SFXN5: variants seen among roughly 807,000 people sequenced by gnomAD.
SFXN5 encodes sideroflexin-5.
Under a neutral mutation model 50.2 loss-of-function variants are expected in SFXN5, and 43 were observed. The ratio of observed to expected loss-of-function variants is 0.86; its 90% confidence interval spans 0.67 to 1.11. SFXN5 has a LOEUF of 1.11. Ranked by LOEUF, SFXN5 falls within the 50% of genes least tolerant of loss-of-function variation. The pLI is 0.00. For missense variants in SFXN5, 463 were observed against 454.1 expected, an observed-to-expected ratio of 1.02 and a Z score of -0.18; for synonymous variants, 203 against 185.8, an observed-to-expected ratio of 1.09 and a Z score of -0.75.
rs186534473 is a variant in SFXN5, at chr2:72,960,274, G to A, written c.945+857C>T. 1.1e-4 allele frequency among the ~76,000 whole-genome samples: 17 copies of A among 151,982 alleles called. 1 individual carries two copies. The East Asian group carries it at 2.9e-3, about 26-fold the overall frequency. On this transcript the variant is annotated intron_variant, in intron 13 of 13. Transcript: ENST00000272433. This position sits in a 1 kb window ranked among gnomAD's most constrained non-coding sequence, Gnocchi z 6.1. Reference sequence around the variant, plus strand: ...ACTGCCCTCCCTCGAACCTGCCCCCGCCTGGCTCCATCTCATTAAGCACCT... The same window carrying A: ...ACTGCCCTCCCTCGAACCTGCCCCCACCTGGCTCCATCTCATTAAGCACCT...
At position 72,989,167 on chromosome 2, in the gene SFXN5, C is replaced by G. The variant is rs536239463; in HGVS notation, c.535-819G>C. Among the ~76,000 whole-genome samples the G allele has an allele frequency of 3.3e-5, 5 of 152,328 alleles. No individual in the cohort carries two copies. The South Asian group carries it at 1.0e-3, about 32-fold the overall frequency. On this transcript the variant is annotated intron_variant, in intron 9 of 13. Transcript: ENST00000272433. ...CTCCCCCAAAAACCCAAGTTCAACC[C>G]CGAGAGTCCAGTTTGCTGCCCATCA... is the stretch of plus-strand genomic sequence containing the variant.
At chr2:73,043,580 G>T (rs1679925851) in intron 2 of SFXN5, among the ~76,000 whole-genome samples, 1 of 152,176 alleles carries the variant, frequency 6.6e-6, no homozygotes, top group African/African-American at 2.4e-5. Context: ...ATGGCCTGAA[G>T]GCTGAAAAGT....
At chr2:73,026,367 G>C (rs1677554922) in intron 3 of SFXN5, among the ~76,000 whole-genome samples, 1 of 151,574 alleles carries the variant, frequency 6.6e-6, no homozygotes, top group South Asian at 2.1e-4. Flanking sequence ...CTGGCCTCAA[G>C]TGATCCACTT....
chr2:73,069,878 C>T (rs6720817), intron 1 of SFXN5, among the ~76,000 whole-genome samples: 42,703 of 152,010 alleles, frequency 0.28, 7,629 homozygotes, highest in East Asian at 0.55. Context: ...ATATGCCTAA[C>T]CTGTCTCCAT....
intron 9 of SFXN5, among the ~76,000 whole-genome samples, chr2:72,991,354 A>G (rs1672580471): frequency 6.6e-6 from 1 of 152,264 alleles, no homozygotes; most frequent in Admixed American, 6.5e-5. Flanking sequence ...AGTGCGGCAC[A>G]CATATGTTTC....
rs940902390 is a variant in SFXN5 at position 73,059,219 on chromosome 2, C to T, written c.103-623G>A. ...GAGGGCTTTATGCTAAGCGCAGCCA[C>T]AGGCATTGGAGCACAATGAAAGGAA... On this transcript the variant is annotated intron_variant, in intron 1 of 13. Coordinates refer to ENST00000272433, the MANE Select transcript of SFXN5 (RefSeq NM_144579.3). 3.6e-5 allele frequency: 35 copies of T among 985,650 alleles called. No individual in the cohort carries two copies. The African/African-American group carries it at 3.7e-4, about 10-fold the overall frequency. 61.1% of individuals were successfully genotyped at this position (985,650 alleles called of 1,614,324 possible). A position where few individuals can be genotyped will look rare whatever the true frequency, so the allele number is the denominator to read the frequency against.
At chr2:72,958,541 G>A (rs995326279) in intron 13 of SFXN5, among the ~76,000 whole-genome samples, 3 of 152,170 alleles carry the variant, frequency 2.0e-5, no homozygotes, top group Admixed American at 1.3e-4. Context: ...GCAGGCAGGT[G>A]GAGTTATGAC....
intron 1 of SFXN5, among the ~76,000 whole-genome samples, chr2:73,066,769 G>C (rs766016091): frequency 4.6e-5 from 7 of 152,130 alleles, no homozygotes; most frequent in Non-Finnish European, 1.0e-4. Flanking sequence ...GGGAGGGCCA[G>C]GCAGAACAAT....
chr2:73,051,915 C>T (rs1194665284), intron 2 of SFXN5, among the ~76,000 whole-genome samples: 3 of 152,168 alleles, frequency 2.0e-5, no homozygotes, highest in Non-Finnish European at 4.4e-5. Context: ...TAATCCCAGT[C>T]ACAGCCTAAC....
chr2:73,009,621 A>G (rs182713436), intron 6 of SFXN5, among the ~76,000 whole-genome samples: 26 of 152,314 alleles, frequency 1.7e-4, no homozygotes, highest in Non-Finnish European at 3.4e-4. Flanking sequence ...TCCATCAAGT[A>G]TTCACACAGG....
intron 13 of SFXN5, among the ~76,000 whole-genome samples, chr2:72,949,978 C>T (rs905964166): frequency 5.3e-5 from 8 of 151,936 alleles, no homozygotes; most frequent in African/African-American, 1.7e-4. Flanking sequence ...GTCTGGGGTG[C>T]CAGTGGGTTC....
chr2:73,008,129 C>T lies in SFXN5; in HGVS notation c.358-6551G>A, dbSNP rs138988944. 1.7e-3 allele frequency among the ~76,000 whole-genome samples: 253 copies of T among 152,338 alleles called. 3 individuals are homozygous for T. The highest frequency in any genetic ancestry group is 5.9e-3 in the African/African-American group (247 of 41,572). ...ATGAAGTGGCCGACACCAGCATCTT[C>T]TGATACTTAGAGTCTCTAAGCCCAT... On this transcript the variant is annotated intron_variant, in intron 6 of 13. Coordinates refer to ENST00000272433, the MANE Select transcript of SFXN5 (RefSeq NM_144579.3).
At position 73,071,586 on chromosome 2, in the gene SFXN5, C is replaced by A. The variant is rs1683629832; in HGVS notation, c.102+18G>T. ...TCTTTGCCACCCGCCGGCCCGCAGA[C>A]CACAGCCCGGTCCTCACCTGCTGGA... On this transcript the variant is annotated intron_variant, in intron 1 of 13. Transcript: ENST00000272433. The A allele has an allele frequency of 6.2e-7, 1 of 1,611,392 alleles. No individual in the cohort carries two copies. Among genetic ancestry groups the A allele is most frequent in the Non-Finnish European group, 8.5e-7 (1 of 1,178,668 alleles).
chr2:72,998,873 A>G lies in SFXN5; in HGVS notation c.534+76T>C, dbSNP rs1233701486. On this transcript the variant is annotated intron_variant, in intron 9 of 13. Transcript: ENST00000272433. ...CCTTGCCTGGCCTGGCCCTCAGACA[A>G]GCATCCACCTGCAATGCTGAGCGGG... 7 of 1,512,148 alleles carry G rather than the reference A, an allele frequency of 4.6e-6. No individual in the cohort carries two copies. In the African/African-American group the frequency reaches 9.6e-5, roughly 21 times the overall value. 93.7% of individuals were successfully genotyped at this position (1,512,148 alleles called of 1,614,324 possible).
chr2:72,975,545 C>G (rs947500518), intron 10 of SFXN5, among the ~76,000 whole-genome samples: 1 of 152,158 alleles, frequency 6.6e-6, no homozygotes, highest in Non-Finnish European at 1.5e-5. Flanking sequence ...CTACGATGCA[C>G]CTTCCCATAT....
At chr2:72,962,694 T>C (rs939243794) in intron 12 of SFXN5, among the ~76,000 whole-genome samples, 6 of 152,220 alleles carry the variant, frequency 3.9e-5, no homozygotes, top group African/African-American at 1.4e-4. Context: ...AGCCCTGGCC[T>C]GGCACACAGT....
At chr2:72,986,477 T>C (rs1162692897) in intron 10 of SFXN5, among the ~76,000 whole-genome samples, 1 of 152,128 alleles carries the variant, frequency 6.6e-6, no homozygotes, top group African/African-American at 2.4e-5. Flanking sequence ...GTCAGGACCA[T>C]GAGCCTGGGT....
intron 1 of SFXN5, 76 bp downstream of exon 1, chr2:73,071,528 A>C: frequency 7.1e-7 from 1 of 1,404,574 alleles, no homozygotes. Flanking sequence ...CCTTGGGCGG[A>C]AGGGGACTTT....
At chr2:72,946,224 C>G (rs1275523337) in intron 13 of SFXN5, among the ~76,000 whole-genome samples, 4 of 152,088 alleles carry the variant, frequency 2.6e-5, no homozygotes, top group Non-Finnish European at 5.9e-5. Context: ...GATGACACCT[C>G]CCCTTCATCC....
Sources: gnomAD v4.1 joint callset for allele counts (sites outside exome capture counted in the v4.1 genomes callset) on GRCh38, gnomAD v4.1.1 for gene constraint, Gnocchi (gnomAD v3.1) non-coding constraint, MANE v1.5 for transcripts, NCBI Gene and HGNC (gene_info 2026-07-23, HGNC 2026-07-21) for gene names.